NPHP1: variants seen among roughly 807,000 people sequenced by gnomAD.
The protein encoded by NPHP1 is nephrocystin 1, also known as nephrocystin-1.
In NPHP1, 70 loss-of-function variants were observed where a neutral mutation model predicts 90.4. The observed-to-expected ratio is 0.77, with a 90% CI of 0.64 to 0.95. The LOEUF is 0.95. Among genes scored for constraint, NPHP1 ranks in the 40% least tolerant of loss-of-function variants. NPHP1 has a pLI of 0.00. For missense variants in NPHP1, 764 were observed against 795.9 expected (o/e 0.96, Z 0.48); for synonymous variants, 256 against 271.7 (o/e 0.94, Z 0.57).
Position 110,161,674 on chromosome 2 carries a change from A to C in NPHP1, c.883T>G (p.Phe295Val), listed in dbSNP as rs2104548598. The part of the protein sequence containing the change: ...EEGNQFRANY[F>V]LQPELMPSQL... ...GAAGGCATGAGCTCTGGTTGTAAGAAGTAATTTGCTCGAAATTGATTCCCT... is the reference window on the plus strand; with the variant it reads ...GAAGGCATGAGCTCTGGTTGTAAGACGTAATTTGCTCGAAATTGATTCCCT... Residue 295 changes from phenylalanine to valine, a missense_variant, in exon 10 of 20, where the codon TTC becomes GTC. Phe to Val is a conservative substitution (Grantham distance 50, BLOSUM62 -1). Coordinates refer to ENST00000445609, the MANE Select transcript of NPHP1 (RefSeq NM_001128178.3). The C allele has an allele frequency of 6.2e-7, 1 of 1,612,856 alleles. No homozygotes were observed. Among genetic ancestry groups the C allele is most frequent in the Admixed American group, 1.7e-5 (1 of 60,008 alleles).
chr2:110,129,109 A>ACCAGAT, intron 18 of NPHP1, 77 bp downstream of exon 18: 1 of 1,040,850 alleles, frequency 9.6e-7, no homozygotes, highest in Admixed American at 1.9e-5. Context: ...AAAAAGGCCT[A>ACCAGAT]GACAGAACTC....
rs2271243 is a variant in NPHP1 at position 110,164,872 on chromosome 2, T to G, written c.729-142A>C. 2,332 of 922,326 alleles carry G rather than the reference T, an allele frequency of 2.5e-3. 49 individuals carry two copies. The East Asian group carries it at 0.053, about 21-fold the overall frequency. The allele number at this position is 922,326 out of a possible 1,614,324, so 57.1% of individuals were successfully genotyped here. A position where few individuals can be genotyped will look rare whatever the true frequency, so the allele number is the denominator to read the frequency against. ...CAGATGAAAACGAGGTAGAGCTAAA[T>G]GTATTAAAAATAATTACAAAACTAA... On this transcript the variant is annotated intron_variant, in intron 7 of 19. Coordinates refer to ENST00000445609, the MANE Select transcript of NPHP1 (RefSeq NM_001128178.3).
intron 4 of NPHP1, among the ~76,000 whole-genome samples, chr2:110,175,056 T>C (rs1261271135): frequency 1.3e-5 from 2 of 152,114 alleles, no homozygotes. Context: ...TGTATGTTAC[T>C]CAGTTGACAA....
chr2:110,129,313 T>C (rs1679611818), intron 17 of NPHP1, 54 bp from the exon 18 acceptor site: 4 of 1,277,792 alleles, frequency 3.1e-6, no homozygotes, highest in South Asian at 2.4e-5. Context: ...CAATGGATTT[T>C]ATTGCAATAG....
intron 16 of NPHP1, among the ~76,000 whole-genome samples, chr2:110,132,689 G>C (rs1439051220): frequency 6.6e-6 from 1 of 152,104 alleles, no homozygotes; most frequent in African/African-American, 2.4e-5. Flanking sequence ...AATAAGTATG[G>C]AGTGCTTAAT....
intron 12 of NPHP1, among the ~76,000 whole-genome samples, chr2:110,149,317 G>A (rs1292108986): frequency 6.6e-6 from 1 of 152,048 alleles, no homozygotes; most frequent in Non-Finnish European, 1.5e-5. Flanking sequence ...TCTACCCCAG[G>A]AAAAACATTA....
chr2:110,149,403 G>A (rs1220385566), intron 12 of NPHP1, among the ~76,000 whole-genome samples: 2 of 152,092 alleles, frequency 1.3e-5, no homozygotes, highest in Admixed American at 6.5e-5. Flanking sequence ...CAAAAGAGAG[G>A]CCATGCTTCT....
In NPHP1 at chr2:110,150,802, G is replaced by A. The variant is rs185670962; in HGVS notation, c.1084-546C>T. 9.9e-5 allele frequency among the ~76,000 whole-genome samples: 15 copies of A among 151,290 alleles called. 1 individual carries two copies. The East Asian group carries it at 2.4e-3, about 24-fold the overall frequency. On this transcript the variant is annotated intron_variant, in intron 11 of 19. Coordinates refer to ENST00000445609, the MANE Select transcript of NPHP1 (RefSeq NM_001128178.3). ...TGACCTGAGGTGATCTGCCTGCCTC[G>A]GCCTCCCAAAGTGCTGGGATTACAG...
intron 12 of NPHP1, among the ~76,000 whole-genome samples, chr2:110,149,892 T>G (rs532877034): frequency 6.6e-6 from 1 of 152,242 alleles, no homozygotes; most frequent in South Asian, 2.1e-4. Context: ...AGTTGGAAGA[T>G]TTCATCTTTG....
Position 110,161,614 on chromosome 2 carries a change from T to C in NPHP1, c.943A>G (p.Thr315Ala). 6.2e-7 allele frequency: 1 copy of C among 1,606,200 alleles called. No individual in the cohort carries two copies. The highest frequency in any genetic ancestry group is 8.5e-7 in the Non-Finnish European group (1 of 1,173,064). ...LAFRDLMWDA[T>A]EGTIRSRPSR... ...GTAACTATACTTACAGTGCCTTCTG[T>C]AGCATCCCACATCAGATCTCTGAAG... Residue 315 changes from threonine to alanine, a missense_variant, in exon 10 of 20, where the codon ACA becomes GCA. Transcript: ENST00000445609.
rs192803787 is a variant in NPHP1 at position 110,164,401 on chromosome 2, T to C, written c.771+287A>G. 22 of 710,648 alleles carry C rather than the reference T, an allele frequency of 3.1e-5. No homozygotes were observed. The Admixed American group carries it at 3.4e-4, about 11-fold the overall frequency. The allele number at this position is 710,648 out of a possible 1,614,324, so 44.0% of individuals were successfully genotyped here. ...AATAGTAAATAAAATTTAACATCTG[T>C]TTCCACTCAAATGATAGGAAAGCAG... On this transcript the variant is annotated intron_variant, in intron 8 of 19. Coordinates refer to ENST00000445609, the MANE Select transcript of NPHP1 (RefSeq NM_001128178.3).
chr2:110,184,208 C>G (rs1030404729), intron 2 of NPHP1: 3 of 568,522 alleles, frequency 5.3e-6, no homozygotes, highest in South Asian at 2.8e-5. Context: ...TGGCAGGAGC[C>G]CTTGAAGGTG....
chr2:110,170,183 C>T lies in NPHP1; in HGVS notation c.330-185G>A, dbSNP rs567672749. Among the ~76,000 whole-genome samples, 6 of 152,168 alleles carry T rather than the reference C, an allele frequency of 3.9e-5. No homozygotes were observed. The South Asian group carries it at 1.0e-3, about 26-fold the overall frequency. On this transcript the variant is annotated intron_variant, in intron 4 of 19. Transcript: ENST00000445609. ...GACCGTGTGCCTGGAGAGACTGAGG[C>T]GGAGAGGGAGCTGAGTCATGTATGT...
At chr2:110,125,098 A>G in intron 19 of NPHP1, 1 of 1,198,054 alleles carries the variant, frequency 8.3e-7, no homozygotes. Flanking sequence ...TGTGACAGAG[A>G]CCACAAGACC....
intron 16 of NPHP1, among the ~76,000 whole-genome samples, chr2:110,136,202 G>C (rs10179522): frequency 0.39 from 58,892 of 151,816 alleles, 12,204 homozygotes; most frequent in East Asian, 0.59. Flanking sequence ...TATGACAAAC[G>C]CACAGCCAAT....
rs1348862900 is a variant in NPHP1 at position 110,201,241 on chromosome 2, T to G, written c.143+180A>C. 2.6e-5 allele frequency among the ~76,000 whole-genome samples: 4 copies of G among 152,270 alleles called. No individual in the cohort carries two copies. The East Asian group carries it at 5.8e-4, about 22-fold the overall frequency. ...TGTTTACATTAAGCAGTTTTTATAG[T>G]TGCTGTCACAACAGCAAGTCCGCAA... On this transcript the variant is annotated intron_variant, in intron 2 of 19. Coordinates refer to ENST00000445609, the MANE Select transcript of NPHP1 (RefSeq NM_001128178.3).
intron 13 of NPHP1, 25 bp downstream of exon 13, chr2:110,147,891 A>G (rs1206454611): frequency 7.7e-7 from 1 of 1,303,582 alleles, no homozygotes. Flanking sequence ...ATACATTAGA[A>G]AGCCTTATCT....
Position 110,123,637 on chromosome 2 carries a change from T to C in NPHP1, c.*154A>G. ...GTTTTAAAAAATATTTAAATTATTG[T>C]ATAAACATTTCTTTAAAAATATGGT... On this transcript the variant is annotated 3_prime_UTR_variant, in exon 20 of 20. Coordinates refer to ENST00000445609, the MANE Select transcript of NPHP1 (RefSeq NM_001128178.3). The C allele has an allele frequency of 1.5e-6, 1 of 689,542 alleles. No homozygotes were observed. The highest frequency in any genetic ancestry group is 1.9e-5 in the South Asian group (1 of 52,552). The allele number at this position is 689,542 out of a possible 1,614,324, so 42.7% of individuals were successfully genotyped here. A position where few individuals can be genotyped will look rare whatever the true frequency, so the allele number is the denominator to read the frequency against.
intron 16 of NPHP1, among the ~76,000 whole-genome samples, chr2:110,139,232 C>T (rs186391103): frequency 2.7e-5 from 4 of 150,088 alleles, no homozygotes; most frequent in South Asian, 2.1e-4. Context: ...CACACACACA[C>T]GCAACCTACT....
Sources: allele counts gnomAD v4.1 joint callset (sites outside exome capture counted in the v4.1 genomes callset), GRCh38; gene constraint gnomAD v4.1.1; transcripts MANE v1.5; gene names NCBI Gene and HGNC (gene_info 2026-07-23, HGNC 2026-07-21).